The following RBMS1 variants were observed in gnomAD, a reference collection of about 807,000 sequenced individuals.
RBMS1 encodes RNA binding motif single stranded interacting protein 1.
RBMS1 carries 17 observed loss-of-function variants against 62.3 expected under a neutral mutation model. That is an observed-to-expected ratio of 0.27 (90% CI 0.19 to 0.41). The LOEUF is 0.41. Ranked by LOEUF, RBMS1 falls within the 10% of genes least tolerant of loss-of-function variation. RBMS1 has a pLI of 1.00. For synonymous variants in RBMS1, 172 were observed against 170.0 expected, an observed-to-expected ratio of 1.01 and a Z score of -0.09; for missense variants, 334 against 504.5, an observed-to-expected ratio of 0.66 and a Z score of 3.24.
Position 160,373,536 on chromosome 2 carries a change from G to C in RBMS1, c.76-6145C>G, listed in dbSNP as rs549820721. On this transcript the variant is annotated intron_variant, in intron 1 of 13. Coordinates refer to ENST00000348849, the MANE Select transcript of RBMS1 (RefSeq NM_016836.4). ...GTTCTTCTAAGAACTCCAGCGACTC[G>C]CCAAGTTGCCCACTGAGAACTCTGG... 2.1e-4 allele frequency among the ~76,000 whole-genome samples: 32 copies of C among 152,168 alleles called. No individual in the cohort carries two copies. The East Asian group carries it at 5.4e-3, about 26-fold the overall frequency.
At chr2:160,350,812 A>G (rs1332465509) in intron 2 of RBMS1, among the ~76,000 whole-genome samples, 1 of 152,164 alleles carries the variant, frequency 6.6e-6, no homozygotes, top group Admixed American at 6.6e-5. Flanking sequence ...TGCAATAAAC[A>G]AACGTGTGCA....
intron 1 of RBMS1, among the ~76,000 whole-genome samples, chr2:160,482,647 T>C (rs1216489909): frequency 6.6e-6 from 1 of 152,240 alleles, no homozygotes; most frequent in Non-Finnish European, 1.5e-5. Flanking sequence ...GAAGACTCCT[T>C]TAAAATTCCC....
At chr2:160,375,174 G>A (rs1461699262) in intron 1 of RBMS1, among the ~76,000 whole-genome samples, 1 of 152,168 alleles carries the variant, frequency 6.6e-6, no homozygotes, top group Non-Finnish European at 1.5e-5. Context: ...AGCCCAGTCA[G>A]GACCTTTAGT....
At chr2:160,390,244 G>GA (rs993482068) in intron 1 of RBMS1, among the ~76,000 whole-genome samples, 3 of 151,526 alleles carry the variant, frequency 2.0e-5, no homozygotes, top group Admixed American at 6.6e-5. Flanking sequence ...GGAACTTTAG[G>GA]AAAAAAAAGA....
intron 6 of RBMS1, among the ~76,000 whole-genome samples, chr2:160,288,422 C>CA (rs1688517243): frequency 6.6e-6 from 1 of 152,054 alleles, no homozygotes; most frequent in Non-Finnish European, 1.5e-5. Flanking sequence ...ACTTCTCTGC[C>CA]AAAAAACAAA....
chr2:160,398,322 A>G (rs907095154), intron 1 of RBMS1, among the ~76,000 whole-genome samples: 4 of 152,242 alleles, frequency 2.6e-5, no homozygotes, highest in Non-Finnish European at 5.9e-5. Context: ...AGGTGACTGT[A>G]TAATTATGAA....
At chr2:160,328,549 T>G (rs911442903) in intron 2 of RBMS1, among the ~76,000 whole-genome samples, 2 of 152,072 alleles carry the variant, frequency 1.3e-5, no homozygotes, top group African/African-American at 4.8e-5. Flanking sequence ...ACATTTTGCC[T>G]TAGAAAATGA....
chr2:160,443,583 C>T (rs1683511988), intron 1 of RBMS1, among the ~76,000 whole-genome samples: 2 of 151,864 alleles, frequency 1.3e-5, no homozygotes, highest in Non-Finnish European at 2.9e-5. Flanking sequence ...CTCTCTGGTT[C>T]CTGCTTTCGC....
intron 2 of RBMS1, among the ~76,000 whole-genome samples, chr2:160,333,424 T>C (rs141574759): frequency 1.7e-4 from 26 of 152,254 alleles, no homozygotes; most frequent in African/African-American, 6.0e-4. Flanking sequence ...TTTACCTGGG[T>C]CAGCCCCCAC....
At chr2:160,418,369 T>G (rs1559528326) in intron 1 of RBMS1, among the ~76,000 whole-genome samples, 1 of 152,304 alleles carries the variant, frequency 6.6e-6, no homozygotes. Context: ...GTTCTTAGTC[T>G]TTCTGGGTCT....
intron 10 of RBMS1, among the ~76,000 whole-genome samples, chr2:160,280,581 C>T (rs1168204440): frequency 6.6e-6 from 1 of 152,152 alleles, no homozygotes; most frequent in African/African-American, 2.4e-5. Context: ...ATATTGTGAA[C>T]TGTATTGCTT....
chr2:160,277,094 C>T (rs1440356784), intron 12 of RBMS1, among the ~76,000 whole-genome samples: 1 of 152,154 alleles, frequency 6.6e-6, no homozygotes, highest in South Asian at 2.1e-4. Context: ...CTATGTTGCC[C>T]AGGCTGGTCT....
chr2:160,288,439 G>C (rs1159400781), intron 6 of RBMS1, among the ~76,000 whole-genome samples: 1 of 152,096 alleles, frequency 6.6e-6, no homozygotes, highest in Non-Finnish European at 1.5e-5. Context: ...CAAAACAAAA[G>C]AAAACAAAAA....
intron 6 of RBMS1, among the ~76,000 whole-genome samples, chr2:160,295,814 T>C (rs894139147): frequency 3.3e-5 from 5 of 152,238 alleles, no homozygotes. Flanking sequence ...TTGTTATTAA[T>C]TTAGCAAACC....
Position 160,311,257 on chromosome 2 carries a change from T to TAG in RBMS1, c.402+1897_402+1898dup, listed in dbSNP as rs1689896690. 2.8e-5 allele frequency among the ~76,000 whole-genome samples: 4 copies of TAG among 142,756 alleles called. No homozygotes were observed. The East Asian group carries it at 8.0e-4, about 29-fold the overall frequency. The allele number at this position is 142,756 out of a possible 152,430, so 93.7% of individuals were successfully genotyped here. ...CTATATATATATATATATATATATA[T>TAG]AGTCTGTTTATTTTAACTTCTTACT... On this transcript the variant is annotated intron_variant, in intron 4 of 13. Coordinates refer to ENST00000348849, the MANE Select transcript of RBMS1 (RefSeq NM_016836.4).
intron 11 of RBMS1, chr2:160,277,885 A>G (rs1687917853): frequency 6.4e-6 from 1 of 157,270 alleles, no homozygotes; most frequent in Non-Finnish European, 1.4e-5. Flanking sequence ...CAAAGGCAGG[A>G]GAAATTTCTA....
intron 6 of RBMS1, among the ~76,000 whole-genome samples, chr2:160,296,582 T>A (rs1236341871): frequency 2.6e-5 from 4 of 152,212 alleles, no homozygotes; most frequent in Non-Finnish European, 5.9e-5. Flanking sequence ...ACTGCTCTCT[T>A]CCATGACTTC....
At chr2:160,407,539 GGGC>G (rs1037014283) in intron 1 of RBMS1, 27 of 985,722 alleles carry the variant, frequency 2.7e-5, no homozygotes, top group East Asian at 1.1e-4. Flanking sequence ...TCATCGCTGC[GGGC>G]GGCGGCGGCG....
At chr2:160,471,691 G>GTGTGTATATATATATATATATA (rs1275928756) in intron 1 of RBMS1, among the ~76,000 whole-genome samples, 35 of 65,930 alleles carry the variant, frequency 5.3e-4, no homozygotes, top group African/African-American at 1.7e-3. Context: ...ATCCTTTGGT[G>GTGTGTATATATATATATATATA]TATATATATA....
Sources: gnomAD v4.1 joint callset for allele counts (sites outside exome capture counted in the v4.1 genomes callset) on GRCh38, gnomAD v4.1.1 for gene constraint, MANE v1.5 for transcripts, NCBI Gene and HGNC (gene_info 2026-07-23, HGNC 2026-07-21) for gene names.